GREB1L: variants seen among roughly 807,000 people sequenced by gnomAD.
GREB1L encodes the protein GREB1 like retinoic acid receptor coactivator, also known as GREB1-like protein.
GREB1L carries 17 observed loss-of-function variants against 200.8 expected under a neutral mutation model. The observed-to-expected ratio is 0.08, with a 90% CI of 0.06 to 0.13. GREB1L has a LOEUF of 0.13. Ranked by LOEUF, GREB1L falls within the 10% of genes least tolerant of loss-of-function variation. The pLI is 1.00. For synonymous variants in GREB1L, 789 were observed against 893.0 expected, an observed-to-expected ratio of 0.88 and a Z score of 2.08; for missense variants, 1,657 against 2,367.7, an observed-to-expected ratio of 0.70 and a Z score of 6.23.
intron 1 of GREB1L, among the ~76,000 whole-genome samples, chr18:21,321,263 C>T (rs1367121867): frequency 6.6e-6 from 1 of 151,928 alleles, no homozygotes; most frequent in Admixed American, 6.6e-5. Flanking sequence ...TCACTATACT[C>T]CAGCCTGGGC....
chr18:21,324,661 T>C (rs1002656778), intron 1 of GREB1L, among the ~76,000 whole-genome samples: 2 of 152,008 alleles, frequency 1.3e-5, no homozygotes, highest in East Asian at 1.9e-4. Flanking sequence ...ATACAAAAAA[T>C]TAGCCAGGCA....
intron 7 of GREB1L, among the ~76,000 whole-genome samples, chr18:21,436,719 T>C (rs139619941): frequency 2.0e-4 from 29 of 148,630 alleles, no homozygotes; most frequent in African/African-American, 6.2e-4. Flanking sequence ...TGTGTGTGTT[T>C]TCTTTTTCTG....
In GREB1L at chr18:21,500,261, C is replaced by T. The variant is rs955646324; in HGVS notation, c.3924C>T (p.Thr1308=). 1.4e-6 allele frequency: 2 copies of T among 1,472,302 alleles called. No individual in the cohort carries two copies. The highest frequency in any genetic ancestry group is 3.9e-5 in the Admixed American group (2 of 50,922). The allele number at this position is 1,472,302 out of a possible 1,614,324, so 91.2% of individuals were successfully genotyped here. A position where few individuals can be genotyped will look rare whatever the true frequency, so the allele number is the denominator to read the frequency against. Reference sequence around the variant, plus strand: ...ACCAGCTGGACCCGGCCTCTGGCACCCGAAACTTCCACCCCCGACGGCTCC... The same window carrying T: ...ACCAGCTGGACCCGGCCTCTGGCACTCGAAACTTCCACCCCCGACGGCTCC... ...YSNQLDPASG[T]RNFHPRRLLL... The change falls in exon 22 of 33, where the codon ACC becomes ACT. Residue 1308 remains threonine (T), a synonymous_variant. Coordinates refer to ENST00000424526, the MANE Select transcript of GREB1L (RefSeq NM_001142966.3).
In GREB1L at chr18:21,388,219, CAA is replaced by C. The variant is rs1235852865; in HGVS notation, c.355+3818_355+3819del. 4.6e-5 allele frequency among the ~76,000 whole-genome samples: 7 copies of C among 152,086 alleles called. No homozygotes were observed. The East Asian group carries it at 1.4e-3, about 29-fold the overall frequency. On this transcript the variant is annotated intron_variant, in intron 4 of 32. Transcript: ENST00000424526. ...AAATTGCCTGTGTGGCTTGTATTGG[CAA>C]ATAGCTACATGGTAAAAGATAAAAT...
In GREB1L at chr18:21,403,885, A is replaced by G; in HGVS notation, c.723A>G (p.Arg241=). 6.4e-7 allele frequency: 1 copy of G among 1,551,402 alleles called. No individual in the cohort carries two copies. The highest frequency in any genetic ancestry group is 2.4e-5 in the East Asian group (1 of 40,902). The change falls in exon 7 of 33, where the codon CGA becomes CGG. Residue 241 remains arginine, a synonymous_variant. Coordinates refer to ENST00000424526, the MANE Select transcript of GREB1L (RefSeq NM_001142966.3). Reference sequence around the variant, plus strand: ...ACTCTTTTCCAGAATGTAGAAGCCGACAATCCTCTGCTTCTTGCCACTCTA... The same window carrying G: ...ACTCTTTTCCAGAATGTAGAAGCCGGCAATCCTCTGCTTCTTGCCACTCTA... The part of the protein sequence containing the change: ...PLICWKECRS[R]QSSASCHSIK...
chr18:21,299,601 T>C (rs1429618883), intron 1 of GREB1L, among the ~76,000 whole-genome samples: 1 of 152,032 alleles, frequency 6.6e-6, no homozygotes, highest in Non-Finnish European at 1.5e-5. Context: ...AATCCCTGGC[T>C]GTGTTTGTCA....
chr18:21,344,825 G>C (rs576663657), intron 1 of GREB1L, among the ~76,000 whole-genome samples: 4 of 152,330 alleles, frequency 2.6e-5, no homozygotes, highest in South Asian at 2.1e-4. Flanking sequence ...ATGCTGGCCA[G>C]TGTTCCTACT....
Position 21,404,029 on chromosome 18 carries a change from A to T in GREB1L, c.832+35A>T, listed in dbSNP as rs1387898627. Reference sequence around the variant, plus strand: ...ATTTTCTTTTGGCATTTCAAGCATCACATGTATATTTAATGAGACTTTTTA... The same window carrying T: ...ATTTTCTTTTGGCATTTCAAGCATCTCATGTATATTTAATGAGACTTTTTA... On this transcript the variant is annotated intron_variant, in intron 7 of 32. Coordinates refer to ENST00000424526, the MANE Select transcript of GREB1L (RefSeq NM_001142966.3). 3.9e-6 allele frequency: 6 copies of T among 1,532,504 alleles called. No individual in the cohort carries two copies. In the African/African-American group the frequency reaches 8.3e-5, roughly 21 times the overall value. 94.9% of individuals were successfully genotyped at this position (1,532,504 alleles called of 1,614,324 possible). A position where few individuals can be genotyped will look rare whatever the true frequency, so the allele number is the denominator to read the frequency against.
chr18:21,452,204 C>T lies in GREB1L; in HGVS notation c.1971C>T (p.Pro657=). Residue 657 remains proline (P), a synonymous_variant, in exon 14 of 33, where the codon CCC becomes CCT. Transcript: ENST00000424526. ...VSPQEAAAMI[P]TQNLDLDNET... is the part of the protein sequence containing the mutation. The stretch of plus-strand genomic sequence containing the variant: ...CCCAGGAGGCTGCTGCTATGATTCC[C>T]ACACAAAACCTGGGTAATGTCATCT... 1.3e-6 allele frequency: 2 copies of T among 1,551,502 alleles called. No homozygotes were observed. Among genetic ancestry groups the T allele is most frequent in the Non-Finnish European group, 1.7e-6 (2 of 1,146,882 alleles).
At chr18:21,365,210 TATAG>T (rs2039650196) in intron 1 of GREB1L, among the ~76,000 whole-genome samples, 1 of 152,166 alleles carries the variant, frequency 6.6e-6, no homozygotes, top group African/African-American at 2.4e-5. Flanking sequence ...ATTTTAGTTA[TATAG>T]ATATTTATAT....
chr18:21,246,037 T>A (rs1331097768), intron 1 of GREB1L, among the ~76,000 whole-genome samples: 1 of 152,186 alleles, frequency 6.6e-6, no homozygotes, highest in East Asian at 1.9e-4. Flanking sequence ...TGCCTATTCT[T>A]ATACATGTAA....
intron 23 of GREB1L, among the ~76,000 whole-genome samples, chr18:21,504,872 C>G (rs1475689851): frequency 6.6e-6 from 1 of 152,126 alleles, no homozygotes; most frequent in African/African-American, 2.4e-5. Context: ...TCTACTGGCT[C>G]TCAACCGTGA....
rs145576385 is a variant in GREB1L, at chr18:21,511,709, C to T, written c.4736-2112C>T. ...ACCCAAGCTAGAGTGTGCAGTGGTA[C>T]GACCATAGCTCACTGTAGCCTCCAA... On this transcript the variant is annotated intron_variant, in intron 27 of 32. Transcript: ENST00000424526. Among the ~76,000 whole-genome samples the T allele has an allele frequency of 2.8e-3, 430 of 152,254 alleles. 3 individuals carry two copies. The highest frequency in any genetic ancestry group is 3.6e-3 in the Non-Finnish European group (244 of 68,008).
chr18:21,353,287 T>A (rs2039460857), intron 1 of GREB1L, among the ~76,000 whole-genome samples: 1 of 152,178 alleles, frequency 6.6e-6, no homozygotes, highest in Admixed American at 6.5e-5. Context: ...AGTATGATAG[T>A]GTTTCACTTA....
chr18:21,339,732 G>A (rs1345420012), intron 1 of GREB1L, among the ~76,000 whole-genome samples: 1 of 152,132 alleles, frequency 6.6e-6, no homozygotes, highest in East Asian at 1.9e-4. Flanking sequence ...TTTAGACATT[G>A]GTTATGTCTA....
In GREB1L at chr18:21,366,147, A is replaced by T. The variant is rs993696192; in HGVS notation, c.-10+11A>T. 1.1e-4 allele frequency: 16 copies of T among 152,142 alleles called. No individual in the cohort carries two copies. The highest frequency in any genetic ancestry group is 1.6e-4 in the Non-Finnish European group (11 of 68,010). 9.4% of individuals were successfully genotyped at this position (152,142 alleles called of 1,614,324 possible). ...AATAAATAAACCAAGGTATTGTACA[A>T]TTATATATGACCCTCCCCAATTTTT... is the stretch of plus-strand genomic sequence containing the variant. On this transcript the variant is annotated intron_variant, in intron 2 of 32. Transcript: ENST00000424526.
intron 20 of GREB1L, among the ~76,000 whole-genome samples, 159 bp from the exon 21 acceptor site, chr18:21,496,295 C>CAGCTGGG (rs1307996770): frequency 1.3e-4 from 20 of 152,154 alleles, no homozygotes. Flanking sequence ...AAGGTCATAA[C>CAGCTGGG]AGCTGGGAGG....
intron 15 of GREB1L, among the ~76,000 whole-genome samples, chr18:21,469,783 A>T (rs919028595): frequency 6.6e-6 from 1 of 152,098 alleles, no homozygotes; most frequent in Non-Finnish European, 1.5e-5. Context: ...CATTATCTAC[A>T]ATATATTCAC....
intron 15 of GREB1L, among the ~76,000 whole-genome samples, chr18:21,460,529 G>A (rs912838387): frequency 5.3e-5 from 8 of 151,998 alleles, no homozygotes; most frequent in East Asian, 2.0e-4. Flanking sequence ...TTATATAGAC[G>A]GAGTTTCACC....
Sources: gnomAD v4.1 joint callset for allele counts (sites outside exome capture counted in the v4.1 genomes callset) on GRCh38, gnomAD v4.1.1 for gene constraint, MANE v1.5 for transcripts, NCBI Gene and HGNC (gene_info 2026-07-23, HGNC 2026-07-21) for gene names.